SRPK2: variants seen among roughly 807,000 people sequenced by gnomAD.
The protein encoded by SRPK2 is SFRS protein kinase 2.
A neutral mutation model predicts 90.8 loss-of-function variants in SRPK2; 21 were observed. That is an observed-to-expected ratio of 0.23 (90% CI 0.16 to 0.33). The LOEUF is 0.33. Among genes scored for constraint, SRPK2 ranks in the 10% least tolerant of loss-of-function variants. SRPK2 has a pLI of 1.00. For synonymous variants in SRPK2, 288 were observed against 311.1 expected (o/e 0.93, Z 0.78); for missense variants, 620 against 869.0 (o/e 0.71, Z 3.60).
At chr7:105,137,897 T>TTA (rs1803118278) in intron 11 of SRPK2, among the ~76,000 whole-genome samples, 1 of 152,206 alleles carries the variant, frequency 6.6e-6, no homozygotes, top group South Asian at 2.1e-4. Context: ...GACTCTAGGC[T>TTA]TATACCCCTT....
At chr7:105,322,962 G>A (rs746817118) in intron 2 of SRPK2, among the ~76,000 whole-genome samples, 23 of 152,116 alleles carry the variant, frequency 1.5e-4, no homozygotes, top group Non-Finnish European at 7.4e-5. Flanking sequence ...ACTTTGGGAG[G>A]CCCAGGTGGG....
chr7:105,373,144 C>T (rs1252633086), intron 2 of SRPK2, among the ~76,000 whole-genome samples: 2 of 152,082 alleles, frequency 1.3e-5, no homozygotes, highest in African/African-American at 4.8e-5. Flanking sequence ...CAAGACAAAA[C>T]TCTCTCTAAT....
At chr7:105,311,824 AC>A (rs1209578152) in intron 2 of SRPK2, among the ~76,000 whole-genome samples, 4 of 152,328 alleles carry the variant, frequency 2.6e-5, no homozygotes, top group Admixed American at 2.0e-4. Context: ...AAACTAAAGC[AC>A]AAAAATTAAT....
At chr7:105,301,483 C>A in intron 2 of SRPK2, 2 of 1,064,054 alleles carry the variant, frequency 1.9e-6, no homozygotes, top group Non-Finnish European at 1.5e-6. Context: ...TTGTTGCAAG[C>A]ACCGTCCACT....
intron 2 of SRPK2, among the ~76,000 whole-genome samples, chr7:105,374,325 ATAGT>A (rs1451609923): frequency 1.3e-5 from 2 of 152,200 alleles, no homozygotes; most frequent in Non-Finnish European, 2.9e-5. Flanking sequence ...TTCATGTCCC[ATAGT>A]TAATTAGTCC....
At chr7:105,265,751 G>A (rs1804977186) in intron 2 of SRPK2, among the ~76,000 whole-genome samples, 1 of 151,938 alleles carries the variant, frequency 6.6e-6, no homozygotes. Context: ...TCAAAAAAAA[G>A]GAAAATACCT....
intron 2 of SRPK2, chr7:105,205,928 AACACAC>A (rs139433699): frequency 6.2e-6 from 3 of 484,578 alleles, no homozygotes; most frequent in African/African-American, 2.0e-5. Flanking sequence ...ATTCTCTGAA[AACACAC>A]ACACACACAC....
intron 2 of SRPK2, among the ~76,000 whole-genome samples, chr7:105,249,659 G>C (rs1238270207): frequency 2.0e-5 from 3 of 152,154 alleles, no homozygotes; most frequent in Non-Finnish European, 4.4e-5. Flanking sequence ...TATAAAACAA[G>C]GGTGTAAGAT....
In SRPK2 at chr7:105,117,455, A is replaced by C. The variant is rs1244499794; in HGVS notation, c.*383T>G. 5.1e-6 allele frequency: 1 copy of C among 195,370 alleles called. No individual in the cohort carries two copies. Among genetic ancestry groups the C allele is most frequent in the Non-Finnish European group, 1.0e-5 (1 of 96,624 alleles). The allele number at this position is 195,370 out of a possible 1,614,324, so 12.1% of individuals were successfully genotyped here. On this transcript the variant is annotated 3_prime_UTR_variant, in exon 16 of 16. Transcript: ENST00000393651. ...TTGGTTCCAACTTGATAATTTCTTA[A>C]GATTGTAAATTATATAGTACTCAGC...
At chr7:105,128,136 G>A (rs1801470731) in intron 13 of SRPK2, among the ~76,000 whole-genome samples, 1 of 152,162 alleles carries the variant, frequency 6.6e-6, no homozygotes, top group Non-Finnish European at 1.5e-5. Flanking sequence ...AAGAGTGAGT[G>A]CAGTCAGCCC....
intron 2 of SRPK2, among the ~76,000 whole-genome samples, chr7:105,258,900 GTTAT>G (rs1168761310): frequency 1.3e-5 from 2 of 152,188 alleles, no homozygotes; most frequent in Non-Finnish European, 1.5e-5. Flanking sequence ...AGTAATAGGA[GTTAT>G]TTATGACAAA....
chr7:105,308,576 T>G (rs1268554033), intron 2 of SRPK2, among the ~76,000 whole-genome samples: 1 of 152,212 alleles, frequency 6.6e-6, no homozygotes, highest in Non-Finnish European at 1.5e-5. Flanking sequence ...AAAATTCTTA[T>G]GGTAGTACTA....
In SRPK2 at chr7:105,160,606, G is replaced by T; in HGVS notation, c.522C>A (p.Cys174Ter). The change falls in exon 7 of 16, where the codon TGC (cysteine) becomes TGA (stop). Residue 174 changes from cysteine to a stop codon, truncating the protein, a stop_gained. Transcript: ENST00000393651. LOFTEE classifies it high-confidence loss of function. ...KISGMNGIHV[C>*]MVFEVLGHHL... The stretch of plus-strand genomic sequence containing the variant: ...GGTGGCCAAGTACTTCGAAGACCAT[G>T]CAGACATCTGGGACACAGTTAAGGA... 6.2e-7 allele frequency: 1 copy of T among 1,608,528 alleles called. No individual in the cohort carries two copies. Among genetic ancestry groups the T allele is most frequent in the Non-Finnish European group, 8.5e-7 (1 of 1,174,954 alleles).
At chr7:105,232,626 A>T (rs1799581892) in intron 2 of SRPK2, among the ~76,000 whole-genome samples, 1 of 150,892 alleles carries the variant, frequency 6.6e-6, no homozygotes, top group Non-Finnish European at 1.5e-5. Flanking sequence ...AAAAAAAAAC[A>T]GTAACAGAAA....
rs1445520995 is a variant in SRPK2, at chr7:105,127,081, C to A, written c.1753-19G>T. On this transcript the variant is annotated intron_variant, in intron 13 of 15. Coordinates refer to ENST00000393651, the MANE Select transcript of SRPK2 (RefSeq NM_182692.3). ...CAAATGCCTAGGATACAACAGACGA[C>A]ATGCTAAGCACTTCAGAGACTGGCC... 6.8e-6 allele frequency: 11 copies of A among 1,613,648 alleles called. No homozygotes were observed. Among genetic ancestry groups the A allele is most frequent in the African/African-American group, 1.3e-5 (1 of 74,896 alleles).
At chr7:105,231,182 G>A (rs2129619726) in intron 2 of SRPK2, among the ~76,000 whole-genome samples, 1 of 152,250 alleles carries the variant, frequency 6.6e-6, no homozygotes, top group East Asian at 1.9e-4. Context: ...AGAACATGTG[G>A]TATTTGGTTT....
chr7:105,269,462 TAGAA>T (rs1379375357), intron 2 of SRPK2, among the ~76,000 whole-genome samples: 1 of 152,224 alleles, frequency 6.6e-6, no homozygotes, highest in Non-Finnish European at 1.5e-5. Context: ...CTAACTCCTC[TAGAA>T]AGAGACTTCT....
chr7:105,204,464 G>A (rs1238469329), intron 2 of SRPK2: 2 of 326,366 alleles, frequency 6.1e-6, no homozygotes, highest in Non-Finnish European at 1.2e-5. Flanking sequence ...GGTTCATAAT[G>A]GGATTCACTT....
At chr7:105,391,861 T>C (rs1822191151), upstream of SRPK2, among the ~76,000 whole-genome samples, 1 of 152,160 alleles carries the variant, frequency 6.6e-6, no homozygotes, top group Admixed American at 6.6e-5. Context: ...TAGGTATATA[T>C]GCACAAGGAC....
Sources: allele counts gnomAD v4.1 joint callset (sites outside exome capture counted in the v4.1 genomes callset), GRCh38; gene constraint gnomAD v4.1.1; transcripts MANE v1.5; gene names NCBI Gene and HGNC (gene_info 2026-07-23, HGNC 2026-07-21).